The following STRBP variants were observed in gnomAD, a reference collection of about 807,000 sequenced individuals.
STRBP encodes spermatid perinuclear RNA binding protein.
Under a neutral mutation model 80.1 loss-of-function variants are expected in STRBP, and 13 were observed. The observed-to-expected ratio is 0.16, with a 90% CI of 0.11 to 0.26. The LOEUF (loss-of-function observed/expected upper bound fraction) is 0.26, where lower values mean the gene tolerates loss of function less well. Among genes scored for constraint, STRBP ranks in the 10% least tolerant of loss-of-function variants. STRBP has a pLI of 1.00. For missense variants in STRBP, 485 were observed against 815.2 expected (o/e 0.59, Z 4.93); for synonymous variants, 284 against 291.2 (o/e 0.98, Z 0.25).
chr9:123,232,784 G>C (rs1054482650), intron 2 of STRBP, among the ~76,000 whole-genome samples: 3 of 152,310 alleles, frequency 2.0e-5, no homozygotes, highest in African/African-American at 7.2e-5. Flanking sequence ...TCTGGTTCTT[G>C]GTTCCAGCCC....
At chr9:123,230,299 G>T (rs549407550) in intron 2 of STRBP, among the ~76,000 whole-genome samples, 5 of 152,124 alleles carry the variant, frequency 3.3e-5, no homozygotes, top group Admixed American at 1.3e-4. Context: ...TCCAGTCTCC[G>T]AGCAGCAACT....
intron 13 of STRBP, among the ~76,000 whole-genome samples, chr9:123,141,114 G>C (rs1025879888): frequency 6.6e-6 from 1 of 152,132 alleles, no homozygotes; most frequent in Admixed American, 6.5e-5. Flanking sequence ...GTACATAATA[G>C]GTGCTCCAAA....
At chr9:123,256,993 C>T (rs1275273843) in intron 1 of STRBP, among the ~76,000 whole-genome samples, 4 of 151,544 alleles carry the variant, frequency 2.6e-5, no homozygotes, top group Non-Finnish European at 4.4e-5. Flanking sequence ...TGTCTTTCCA[C>T]GTAACATTGT....
At chr9:123,116,654 C>CA (rs1362652189), downstream of STRBP, among the ~76,000 whole-genome samples, 1 of 152,116 alleles carries the variant, frequency 6.6e-6, no homozygotes, top group African/African-American at 2.4e-5. Context: ...CAGAAGCCTA[C>CA]AGGAAAGGTG....
At chr9:123,252,733 C>T (rs2040942735) in intron 1 of STRBP, among the ~76,000 whole-genome samples, 1 of 152,166 alleles carries the variant, frequency 6.6e-6, no homozygotes, top group Admixed American at 6.5e-5. Flanking sequence ...TTGTTATGCT[C>T]ACATAACCTT....
chr9:123,234,744 G>A (rs1177941601), intron 2 of STRBP, among the ~76,000 whole-genome samples: 1 of 152,130 alleles, frequency 6.6e-6, no homozygotes, highest in Non-Finnish European at 1.5e-5. Context: ...CAGATCACTT[G>A]AGGTCAGGAG....
chr9:123,211,721 T>C (rs1054919195), intron 2 of STRBP, among the ~76,000 whole-genome samples: 1 of 152,238 alleles, frequency 6.6e-6, no homozygotes, highest in African/African-American at 2.4e-5. Flanking sequence ...AGAGTTGTTA[T>C]ACTATTTTCC....
Position 123,123,535 on chromosome 9 carries a change from A to G in STRBP, c.*2062T>C. The G allele has an allele frequency of 4.5e-6, 2 of 443,888 alleles. No homozygotes were observed. The highest frequency in any genetic ancestry group is 5.9e-6 in the Non-Finnish European group (2 of 337,270). 27.5% of individuals were successfully genotyped at this position (443,888 alleles called of 1,614,324 possible). ...AACTTCCAACAAACAACAAAATTAA[A>G]AAAAAAAAAAAAAGACTTGGTAGAA... On this transcript the variant is annotated 3_prime_UTR_variant, in exon 19 of 19. Transcript: ENST00000348403.
chr9:123,176,787 TAGC>T (rs2038238215), intron 4 of STRBP, among the ~76,000 whole-genome samples: 1 of 152,208 alleles, frequency 6.6e-6, no homozygotes, highest in African/African-American at 2.4e-5. Context: ...AATTGGAACA[TAGC>T]AGTTATTGTA....
Position 123,122,559 on chromosome 9 carries a change from T to C in STRBP, c.*3038A>G. On this transcript the variant is annotated 3_prime_UTR_variant, in exon 19 of 19. Transcript: ENST00000348403. ...TCAGAACTATATAAACTCAACTCCT[T>C]ACTTCACCACCCATGCACTTCATCT... The C allele has an allele frequency of 1.8e-6, 2 of 1,131,464 alleles. No individual in the cohort carries two copies. Among genetic ancestry groups the C allele is most frequent in the Non-Finnish European group, 2.2e-6 (2 of 915,252 alleles). The allele number at this position is 1,131,464 out of a possible 1,614,324, so 70.1% of individuals were successfully genotyped here.
chr9:123,259,651 G>C (rs989669059), intron 1 of STRBP, among the ~76,000 whole-genome samples: 1 of 152,194 alleles, frequency 6.6e-6, no homozygotes, highest in Non-Finnish European at 1.5e-5. Context: ...AGAGGTTGCG[G>C]TAAGCCGAGA....
intron 2 of STRBP, among the ~76,000 whole-genome samples, chr9:123,233,822 T>C (rs2040464531): frequency 2.0e-5 from 3 of 152,226 alleles, no homozygotes; most frequent in Admixed American, 2.0e-4. Flanking sequence ...GTGACTCTCC[T>C]TTCATTGCAC....
rs187380402 is a variant in STRBP at position 123,131,266 on chromosome 9, A to C, written c.1897+1579T>G. Among the ~76,000 whole-genome samples the C allele has an allele frequency of 2.6e-5, 4 of 152,306 alleles. No individual in the cohort carries two copies. In the South Asian group the frequency reaches 8.3e-4, roughly 32 times the overall value. ...ACAAATAAAGTCTGATCTTGTCACT[A>C]TTCTCCTAAGAACCCATCAAGACTT... On this transcript the variant is annotated intron_variant, in intron 17 of 18. Transcript: ENST00000348403.
At chr9:123,199,645 AT>A (rs2039237933) in intron 2 of STRBP, among the ~76,000 whole-genome samples, 1 of 152,156 alleles carries the variant, frequency 6.6e-6, no homozygotes, top group African/African-American at 2.4e-5. Flanking sequence ...TGCAGATGTT[AT>A]AAAAGGGACT....
intron 2 of STRBP, among the ~76,000 whole-genome samples, chr9:123,216,255 C>T (rs758556795): frequency 6.6e-6 from 1 of 152,192 alleles, no homozygotes; most frequent in African/African-American, 2.4e-5. Flanking sequence ...TTACCACTTA[C>T]CAGCTCTGTA....
At chr9:123,196,794 A>G (rs1255343512) in intron 2 of STRBP, among the ~76,000 whole-genome samples, 1 of 152,234 alleles carries the variant, frequency 6.6e-6, no homozygotes, top group African/African-American at 2.4e-5. Flanking sequence ...GTAGGAATGT[A>G]AATTAGTTCA....
intron 1 of STRBP, among the ~76,000 whole-genome samples, chr9:123,250,819 G>A (rs1051759084): frequency 6.6e-6 from 1 of 152,170 alleles, no homozygotes; most frequent in African/African-American, 2.4e-5. Flanking sequence ...TATATGATCT[G>A]TTTTAAAGGA....
chr9:123,203,970 TCAAAAAAA>T (rs995066014), intron 2 of STRBP, among the ~76,000 whole-genome samples: 4 of 145,026 alleles, frequency 2.8e-5, no homozygotes, highest in African/African-American at 5.5e-5. Flanking sequence ...AGACTCTGTC[TCAAAAAAA>T]CAAAAAAACA....
At chr9:123,119,456 T>C (rs760023974), downstream of STRBP, among the ~76,000 whole-genome samples, 29 of 143,076 alleles carry the variant, frequency 2.0e-4, no homozygotes, top group South Asian at 8.7e-4. Flanking sequence ...TTAACTACTG[T>C]AACAGACACA....
Sources: gnomAD v4.1 joint callset for allele counts (sites outside exome capture counted in the v4.1 genomes callset) on GRCh38, gnomAD v4.1.1 for gene constraint, MANE v1.5 for transcripts, NCBI Gene and HGNC (gene_info 2026-07-23, HGNC 2026-07-21) for gene names.